Variants in SAMD4A observed in about 807,000 individuals in gnomAD.
SAMD4A encodes sterile alpha motif domain containing 4A, also known as protein Smaug homolog 1.
Under a neutral mutation model 81.3 loss-of-function variants are expected in SAMD4A, and 33 were observed. The ratio of observed to expected loss-of-function variants is 0.41; its 90% confidence interval spans 0.31 to 0.54. The LOEUF (loss-of-function observed/expected upper bound fraction) is 0.54, where lower values mean the gene tolerates loss of function less well. SAMD4A is among the 20% of genes least tolerant of loss of function. The pLI, the probability that SAMD4A is intolerant of heterozygous loss-of-function variation, is 0.37. For synonymous variants in SAMD4A, 389 were observed against 382.1 expected (o/e 1.02, Z -0.21); for missense variants, 854 against 951.1 (o/e 0.90, Z 1.34).
At position 54,660,707 on chromosome 14, in the gene SAMD4A, A is replaced by G. The variant is rs550910160; in HGVS notation, c.197-41355A>G. On this transcript the variant is annotated intron_variant, in intron 2 of 12. Coordinates refer to ENST00000554335, the MANE Select transcript of SAMD4A (RefSeq NM_015589.6). ...TTAAAAAAAAAGAGAGAGACTGTCT[A>G]GAATCTGATTATGTGTTTTAACAGC... 4.6e-5 allele frequency among the ~76,000 whole-genome samples: 7 copies of G among 152,372 alleles called. No homozygotes were observed. The East Asian group carries it at 1.2e-3, about 25-fold the overall frequency.
At position 54,567,810 on chromosome 14, in the gene SAMD4A, A is replaced by T. The variant is rs951709013; in HGVS notation, c.-107A>T. On this transcript the variant is annotated 5_prime_UTR_variant, in exon 2 of 13. Transcript: ENST00000554335. ...CCGGGCACCAGAGCCACCTTGGAAC[A>T]GGAACGCGTCTCCGGCCGCGGGGCT... 4.8e-5 allele frequency: 59 copies of T among 1,226,372 alleles called. No homozygotes were observed. The highest frequency in any genetic ancestry group is 4.8e-5 in the Admixed American group (2 of 41,656). 76.0% of individuals were successfully genotyped at this position (1,226,372 alleles called of 1,614,324 possible).
chr14:54,681,196 C>A (rs12434172), intron 2 of SAMD4A, among the ~76,000 whole-genome samples: 1 of 135,898 alleles, frequency 7.4e-6, no homozygotes, highest in Admixed American at 7.6e-5. Context: ...AGCCCCCCAA[C>A]CCCCCAACCG....
At chr14:54,700,088 A>C (rs780354359) in intron 2 of SAMD4A, among the ~76,000 whole-genome samples, 60 of 152,126 alleles carry the variant, frequency 3.9e-4, no homozygotes, top group Admixed American at 1.3e-3. Flanking sequence ...TGGTTTCTCT[A>C]TATTTTGTTT....
chr14:54,601,914 G>A (rs1462841589), intron 2 of SAMD4A, among the ~76,000 whole-genome samples: 3 of 152,188 alleles, frequency 2.0e-5, no homozygotes, highest in African/African-American at 7.2e-5. Context: ...AGACTTTGGG[G>A]TGAGTTGATG....
intron 2 of SAMD4A, among the ~76,000 whole-genome samples, chr14:54,612,088 T>G (rs2034372531): frequency 6.6e-6 from 1 of 152,174 alleles, no homozygotes; most frequent in Non-Finnish European, 1.5e-5. Context: ...TTCTGTTTGT[T>G]TCTGAATTGC....
At chr14:54,641,940 G>A (rs2035183944) in intron 2 of SAMD4A, among the ~76,000 whole-genome samples, 1 of 152,128 alleles carries the variant, frequency 6.6e-6, no homozygotes, top group Non-Finnish European at 1.5e-5. Flanking sequence ...TGGGATTACA[G>A]GTGCACACCA....
intron 2 of SAMD4A, among the ~76,000 whole-genome samples, chr14:54,650,008 T>C (rs1294915417): frequency 2.6e-5 from 4 of 152,234 alleles, no homozygotes; most frequent in Non-Finnish European, 2.9e-5. Context: ...TACTGACTTA[T>C]GATATACCAC....
At chr14:54,604,617 A>T (rs1403643542) in intron 2 of SAMD4A, among the ~76,000 whole-genome samples, 2 of 152,248 alleles carry the variant, frequency 1.3e-5, no homozygotes, top group East Asian at 3.8e-4. Flanking sequence ...AGTTCTGAAA[A>T]TTTATGAACG....
At chr14:54,787,826 G>A (rs996414529) in intron 12 of SAMD4A, among the ~76,000 whole-genome samples, 12 of 152,188 alleles carry the variant, frequency 7.9e-5, no homozygotes, top group African/African-American at 2.9e-4. Flanking sequence ...AGCTGCCAGA[G>A]AAACCATTCT....
chr14:54,757,418 TGTGTG>T (rs1229076312), intron 6 of SAMD4A, among the ~76,000 whole-genome samples: 143 of 146,620 alleles, frequency 9.8e-4, no homozygotes, highest in African/African-American at 3.5e-3. Context: ...TGTGTGTGTG[TGTGTG>T]TGTGTTTTGT....
Position 54,670,621 on chromosome 14 carries a change from G to C in SAMD4A, c.197-31441G>C, listed in dbSNP as rs184148176. On this transcript the variant is annotated intron_variant, in intron 2 of 12. Transcript: ENST00000554335. ...ATAAAGCCTGGCTTGTAGGCTTATTGAAAGAATTACAAATATAGGATATAA... is the reference window on the plus strand; with the variant it reads ...ATAAAGCCTGGCTTGTAGGCTTATTCAAAGAATTACAAATATAGGATATAA... Among the ~76,000 whole-genome samples the C allele has an allele frequency of 4.4e-4, 67 of 152,292 alleles. 1 individual carries two copies. Among genetic ancestry groups the C allele is most frequent in the Admixed American group, 2.0e-3 (30 of 15,298 alleles).
At chr14:54,721,188 T>C (rs913050337) in intron 3 of SAMD4A, among the ~76,000 whole-genome samples, 1 of 152,210 alleles carries the variant, frequency 6.6e-6, no homozygotes, top group African/African-American at 2.4e-5. Context: ...GTCAGGAACC[T>C]GGTCTTGTTC....
intron 2 of SAMD4A, among the ~76,000 whole-genome samples, chr14:54,663,458 TGAAC>T (rs1414783522): frequency 6.6e-6 from 1 of 152,222 alleles, no homozygotes; most frequent in African/African-American, 2.4e-5. Flanking sequence ...AGACACAACG[TGAAC>T]CTTCGCACCA....
chr14:54,745,232 CCCA>C (rs1421812586), intron 4 of SAMD4A, among the ~76,000 whole-genome samples: 1 of 152,240 alleles, frequency 6.6e-6, no homozygotes, highest in African/African-American at 2.4e-5. Flanking sequence ...TTTCTCACCA[CCCA>C]CAAGATGAAG....
chr14:54,567,776 C>T lies in SAMD4A; in HGVS notation c.-141C>T. 1 of 790,534 alleles carries T rather than the reference C, an allele frequency of 1.3e-6. No homozygotes were observed. 49.0% of individuals were successfully genotyped at this position (790,534 alleles called of 1,614,324 possible). A position where few individuals can be genotyped will look rare whatever the true frequency, so the allele number is the denominator to read the frequency against. On this transcript the variant is annotated 5_prime_UTR_variant, in exon 2 of 13. Coordinates refer to ENST00000554335, the MANE Select transcript of SAMD4A (RefSeq NM_015589.6). ...AGAGAGGCAGGAGCCCAGGCAGTACCTGCAGCGTCCGGGCACCAGAGCCAC... is the reference window on the plus strand; with the variant it reads ...AGAGAGGCAGGAGCCCAGGCAGTACTTGCAGCGTCCGGGCACCAGAGCCAC...
chr14:54,737,234 A>G lies in SAMD4A; in HGVS notation c.926A>G (p.Glu309Gly). ...GGAAGTGGTGGGAGTGAACACTTAG[A>G]AGATCAGACCACTGCTCGTAACACA... is the stretch of plus-strand genomic sequence containing the variant. The part of the protein sequence containing the change: ...SSGSGGSEHL[E>G]DQTTARNTFQ... The change falls in exon 4 of 13, where the codon GAA (glutamate) becomes GGA (glycine). Residue 309 changes from glutamate (E) to glycine (G), a missense_variant. Coordinates refer to ENST00000554335, the MANE Select transcript of SAMD4A (RefSeq NM_015589.6). The G allele has an allele frequency of 6.2e-7, 1 of 1,614,160 alleles. No homozygotes were observed. The highest frequency in any genetic ancestry group is 8.5e-7 in the Non-Finnish European group (1 of 1,180,024).
chr14:54,723,001 C>CA (rs2037301010), intron 3 of SAMD4A, among the ~76,000 whole-genome samples: 1 of 152,098 alleles, frequency 6.6e-6, no homozygotes, highest in African/African-American at 2.4e-5. Context: ...ATACCAACCC[C>CA]ATCTGGTACC....
intron 3 of SAMD4A, among the ~76,000 whole-genome samples, chr14:54,719,745 T>G (rs571010322): frequency 3.9e-5 from 6 of 152,280 alleles, no homozygotes; most frequent in African/African-American, 1.4e-4. Flanking sequence ...GCTTAACCTC[T>G]CTTGGCCTTG....
At chr14:54,565,458 G>A (rs1402084987), upstream of SAMD4A, among the ~76,000 whole-genome samples, 1 of 152,234 alleles carries the variant, frequency 6.6e-6, no homozygotes, top group Admixed American at 6.5e-5. The surrounding 1 kb of genome is among the most constrained non-coding windows in gnomAD (Gnocchi z 5.4). Flanking sequence ...TCCGGCACCC[G>A]ACCCGGGCCA....
Sources: allele counts gnomAD v4.1 joint callset (sites outside exome capture counted in the v4.1 genomes callset), GRCh38; gene constraint gnomAD v4.1.1; non-coding constraint Gnocchi (gnomAD v3.1); transcripts MANE v1.5; gene names NCBI Gene and HGNC (gene_info 2026-07-23, HGNC 2026-07-21).